The following DRC3 variants were observed in gnomAD, a reference collection of about 807,000 sequenced individuals.
DRC3 encodes the protein leucine rich repeat containing 48.
A neutral mutation model predicts 57.6 loss-of-function variants in DRC3; 45 were observed. The ratio of observed to expected loss-of-function variants is 0.78; its 90% confidence interval spans 0.62 to 1.00. DRC3 has a LOEUF of 1.00. Ranked by LOEUF, DRC3 falls within the 50% of genes least tolerant of loss-of-function variation. The probability of loss-of-function intolerance (pLI) is 0.00; values close to 1 mark genes in which losing one functional copy is unlikely to be tolerated. For missense variants in DRC3, 655 were observed against 675.2 expected, an observed-to-expected ratio of 0.97 and a Z score of 0.33; for synonymous variants, 257 against 272.3, an observed-to-expected ratio of 0.94 and a Z score of 0.55.
chr17:17,988,144 G>A, intron 5 of DRC3, 46 bp downstream of exon 5: 1 of 1,578,986 alleles, frequency 6.3e-7, no homozygotes, highest in Non-Finnish European at 8.6e-7. Context: ...GCAGAGCCTT[G>A]GAGCGCCGTG....
intron 3 of DRC3, among the ~76,000 whole-genome samples, chr17:17,979,675 C>T (rs1233031771): frequency 6.6e-6 from 1 of 152,182 alleles, no homozygotes; most frequent in Non-Finnish European, 1.5e-5. Context: ...TGGCAGAGCA[C>T]CCGGTGTGCA....
chr17:17,982,973 G>A (rs2042779209), intron 3 of DRC3, among the ~76,000 whole-genome samples: 1 of 152,190 alleles, frequency 6.6e-6, no homozygotes, highest in South Asian at 2.1e-4. Context: ...GTGGCTTCTG[G>A]GAAAACCTGG....
At chr17:18,012,349 A>G (rs2044198359) in intron 12 of DRC3, among the ~76,000 whole-genome samples, 1 of 152,188 alleles carries the variant, frequency 6.6e-6, no homozygotes, top group East Asian at 1.9e-4. Context: ...CACTCTATAC[A>G]AAAATCAACT....
chr17:17,997,640 C>T lies in DRC3; in HGVS notation c.999+6C>T. 6.3e-7 allele frequency: 1 copy of T among 1,589,786 alleles called. No homozygotes were observed. The highest frequency in any genetic ancestry group is 8.6e-7 in the Non-Finnish European group (1 of 1,169,128). ...TCGAGGAGAAGCACTTGTCGGTAGG[C>T]CCCGAGCCTCCTGAGGCCCTCCCTG... On this transcript the variant is annotated splice_donor_region_variant and intron_variant, in intron 9 of 13. Coordinates refer to ENST00000399187, the MANE Select transcript of DRC3 (RefSeq NM_031294.4).
At chr17:18,006,013 G>C (rs779160675) in intron 10 of DRC3, 170 bp from the exon 11 acceptor site, 12 of 608,082 alleles carry the variant, frequency 2.0e-5, no homozygotes, top group African/African-American at 3.7e-5. Context: ...CAACTTTAGA[G>C]AGAGCAGAGG....
rs2043981123 is a variant in DRC3, at chr17:18,007,030, T to C, written c.1209T>C (p.Ala403=). 1.2e-6 allele frequency: 2 copies of C among 1,611,390 alleles called. No individual in the cohort carries two copies. Among genetic ancestry groups the C allele is most frequent in the South Asian group, 1.1e-5 (1 of 90,990 alleles). The change falls in exon 12 of 14, where the codon GCT becomes GCC. Residue 403 remains alanine (A), a synonymous_variant. Transcript: ENST00000399187. ...GCTTAACTCGGGGCTGCACGATGGC[T>C]CAGTGCCGGGACCTGGAGAATCACC... ...LFIENVQSLM[A]QCRDLENHHH... is the part of the protein sequence containing the mutation.
intron 9 of DRC3, among the ~76,000 whole-genome samples, chr17:17,999,889 C>T (rs1408687828): frequency 5.9e-5 from 9 of 152,212 alleles, no homozygotes; most frequent in Non-Finnish European, 8.8e-5. Flanking sequence ...CTGGGGGATA[C>T]GGTCTCCCTC....
At chr17:17,975,093 G>A (rs2042317963) in intron 2 of DRC3, among the ~76,000 whole-genome samples, 1 of 152,176 alleles carries the variant, frequency 6.6e-6, no homozygotes. Context: ...GCAATTGCTG[G>A]GCTTGACTGA....
chr17:17,980,324 C>T (rs1456699592), intron 3 of DRC3, among the ~76,000 whole-genome samples: 2 of 151,604 alleles, frequency 1.3e-5, no homozygotes, highest in Non-Finnish European at 2.9e-5. Context: ...CTCTGCCGCC[C>T]AGCCCAGGCT....
intron 12 of DRC3, chr17:18,007,988 C>T (rs1179373079): frequency 3.6e-6 from 1 of 279,212 alleles, no homozygotes; most frequent in African/African-American, 2.3e-5. Flanking sequence ...TCACTGCACA[C>T]TTTTACACAA....
intron 11 of DRC3, 135 bp downstream of exon 11, chr17:18,006,388 A>G: frequency 1.5e-6 from 1 of 665,992 alleles, no homozygotes; most frequent in Non-Finnish European, 2.7e-6. Flanking sequence ...TGGCCTGGTT[A>G]GAGCTGTGGT....
Position 18,008,528 on chromosome 17 carries a change from C to T in DRC3, c.1326+1381C>T, listed in dbSNP as rs2044058487. Among the ~76,000 whole-genome samples the T allele has an allele frequency of 6.6e-6, 1 of 152,184 alleles. No individual in the cohort carries two copies. Among genetic ancestry groups the T allele is most frequent in the Non-Finnish European group, 1.5e-5 (1 of 68,018 alleles). On this transcript the variant is annotated intron_variant, in intron 12 of 13. Transcript: ENST00000399187. This position sits in a 1 kb window ranked among gnomAD's most constrained non-coding sequence, Gnocchi z 4.3. ...ATCATCTGCAGAATGAGTGTGAGAG[C>T]GTATGCTCACCAAGCCTCCACTCTG...
chr17:17,977,958 A>G, intron 3 of DRC3, 200 bp downstream of exon 3: 2 of 500,594 alleles, frequency 4.0e-6, no homozygotes, highest in Non-Finnish European at 3.5e-6. Context: ...TCATTTGAAT[A>G]TCCACGACGC....
chr17:18,016,721 C>T lies in DRC3; in HGVS notation c.*50C>T. 7.8e-7 allele frequency: 1 copy of T among 1,289,308 alleles called. No homozygotes were observed. The highest frequency in any genetic ancestry group is 1.1e-6 in the Non-Finnish European group (1 of 894,560). The allele number at this position is 1,289,308 out of a possible 1,614,324, so 79.9% of individuals were successfully genotyped here. ...TTCAAAACATAGCACCAGCCCCAGCCAGGAGAAGGAAGTGCACACGCCTCA... is the reference window on the plus strand; with the variant it reads ...TTCAAAACATAGCACCAGCCCCAGCTAGGAGAAGGAAGTGCACACGCCTCA... On this transcript the variant is annotated 3_prime_UTR_variant, in exon 14 of 14. Coordinates refer to ENST00000399187, the MANE Select transcript of DRC3 (RefSeq NM_031294.4).
At chr17:17,976,192 G>T (rs958687174) in intron 2 of DRC3, among the ~76,000 whole-genome samples, 1 of 152,206 alleles carries the variant, frequency 6.6e-6, no homozygotes, top group African/African-American at 2.4e-5. Flanking sequence ...CCAGCAGGGA[G>T]GCAAGAATCA....
In DRC3 at chr17:18,004,727, T is replaced by TCC. The variant is rs937217730; in HGVS notation, c.1131+237_1131+238dup. On this transcript the variant is annotated intron_variant, in intron 10 of 13. Coordinates refer to ENST00000399187, the MANE Select transcript of DRC3 (RefSeq NM_031294.4). ...AGGTGAGCTCATTCTTCTGAAATGG[T>TCC]CCCCCTATCCTGGAAGTCAGTGGGG... 2.0e-4 allele frequency: 98 copies of TCC among 501,040 alleles called. No homozygotes were observed. The Admixed American group carries it at 2.6e-3, about 13-fold the overall frequency. The allele number at this position is 501,040 out of a possible 1,614,324, so 31.0% of individuals were successfully genotyped here.
chr17:17,977,440 A>G, intron 2 of DRC3, 142 bp from the exon 3 acceptor site: 1 of 954,970 alleles, frequency 1.0e-6, no homozygotes, highest in Non-Finnish European at 1.6e-6. Context: ...AAACCCCGAG[A>G]TGCAGCAGAC....
intron 5 of DRC3, among the ~76,000 whole-genome samples, chr17:17,989,249 TGAG>T (rs1485875102): frequency 1.3e-5 from 2 of 152,046 alleles, no homozygotes; most frequent in African/African-American, 4.8e-5. Context: ...CACGCATCGT[TGAG>T]GAGCGCAGGG....
rs565827112 is a variant in DRC3 at position 18,003,595 on chromosome 17, G to A, written c.1000-768G>A. On this transcript the variant is annotated intron_variant, in intron 9 of 13. Transcript: ENST00000399187. Reference sequence around the variant, plus strand: ...AACTTCTGCTTTCAGGAAGAAAAAGGGAGGTCAGGGTGTCCTCTTTGCATT... The same window carrying A: ...AACTTCTGCTTTCAGGAAGAAAAAGAGAGGTCAGGGTGTCCTCTTTGCATT... 3.3e-5 allele frequency among the ~76,000 whole-genome samples: 5 copies of A among 150,100 alleles called. No individual in the cohort carries two copies. In the East Asian group the frequency reaches 9.7e-4, roughly 29 times the overall value.
Sources: allele counts gnomAD v4.1 joint callset (sites outside exome capture counted in the v4.1 genomes callset), GRCh38; gene constraint gnomAD v4.1.1; non-coding constraint Gnocchi (gnomAD v3.1); transcripts MANE v1.5; gene names NCBI Gene and HGNC (gene_info 2026-07-23, HGNC 2026-07-21).